The following SH3PXD2B variants were observed in gnomAD, a reference collection of about 807,000 sequenced individuals.
The protein encoded by SH3PXD2B is SH3 and PX domain-containing protein 2B.
Under a neutral mutation model 73.1 loss-of-function variants are expected in SH3PXD2B, and 37 were observed. The ratio of observed to expected loss-of-function variants is 0.51; its 90% CI spans 0.39 to 0.67. The LOEUF is 0.67. Ranked by LOEUF, SH3PXD2B falls within the 30% of genes least tolerant of loss-of-function variation. The pLI is 0.00. For missense variants in SH3PXD2B, 1,053 were observed against 1,197.8 expected (o/e 0.88, Z 1.78); for synonymous variants, 457 against 480.5 (o/e 0.95, Z 0.64).
At position 172,338,249 on chromosome 5, in the gene SH3PXD2B, A is replaced by C; in HGVS notation, c.*120T>G. On this transcript the variant is annotated 3_prime_UTR_variant, in exon 13 of 13. Transcript: ENST00000311601. This position sits in a 1 kb window ranked among gnomAD's most constrained non-coding sequence, Gnocchi z 5.1. ...CCACCCATGGGAGGCAAGAAGTCAC[A>C]GTACCCCAGAGTCTGTCTGCCTTGG... is the stretch of plus-strand genomic sequence containing the variant. The C allele has an allele frequency of 6.3e-7, 1 of 1,579,538 alleles. No homozygotes were observed. Among genetic ancestry groups the C allele is most frequent in the Non-Finnish European group, 8.6e-7 (1 of 1,164,360 alleles).
At chr5:172,430,351 AC>A (rs150898755) in intron 1 of SH3PXD2B, among the ~76,000 whole-genome samples, 181 of 152,308 alleles carry the variant, frequency 1.2e-3, no homozygotes, top group African/African-American at 4.0e-3. Context: ...TCTGGGTCCC[AC>A]AGGGGTGCAG....
chr5:172,355,197 C>A (rs75311261), intron 8 of SH3PXD2B, among the ~76,000 whole-genome samples: 1 of 152,248 alleles, frequency 6.6e-6, no homozygotes, highest in East Asian at 1.9e-4. Flanking sequence ...TACCACATGC[C>A]GTCCGCGGCC....
intron 4 of SH3PXD2B, among the ~76,000 whole-genome samples, chr5:172,385,285 GA>G (rs1210449030): frequency 3.0e-4 from 46 of 152,256 alleles, no homozygotes; most frequent in Non-Finnish European, 6.5e-4. Flanking sequence ...TTCCCCCCAA[GA>G]CTACAATAAC....
At chr5:172,389,290 G>A (rs1282646728) in intron 4 of SH3PXD2B, among the ~76,000 whole-genome samples, 1 of 151,774 alleles carries the variant, frequency 6.6e-6, no homozygotes, top group Non-Finnish European at 1.5e-5. Context: ...TCCTGACCTC[G>A]TGATCTGCCT....
At chr5:172,368,546 T>TATATATATTATATATATATATAAC in intron 6 of SH3PXD2B, among the ~76,000 whole-genome samples, 1 of 23,912 alleles carries the variant, frequency 4.2e-5, no homozygotes, top group African/African-American at 3.1e-4. Context: ...ATATAAAATA[T>TATATATATTATATATATATATAAC]ATATATATTA....
At chr5:172,359,387 C>CAAAAAAAAAAAAAAAAAAAAAAAAA (rs70982393) in intron 7 of SH3PXD2B, among the ~76,000 whole-genome samples, 1 of 84,088 alleles carries the variant, frequency 1.2e-5, no homozygotes, top group African/African-American at 4.8e-5. Flanking sequence ...ACCCCCATCT[C>CAAAAAAAAAAAAAAAAAAAAAAAAA]AAAAAAAAAA....
At chr5:172,355,823 T>C (rs1277804592) in intron 8 of SH3PXD2B, among the ~76,000 whole-genome samples, 1 of 152,048 alleles carries the variant, frequency 6.6e-6, no homozygotes, top group East Asian at 1.9e-4. Context: ...GGACTATAGG[T>C]GTGAGCCAGC....
At chr5:172,343,219 A>T (rs1332566955) in intron 12 of SH3PXD2B, among the ~76,000 whole-genome samples, 1 of 152,220 alleles carries the variant, frequency 6.6e-6, no homozygotes, top group Admixed American at 6.5e-5. Context: ...TGTGAGGATG[A>T]CTGGCATCTT....
At chr5:172,362,953 G>A (rs1757432612) in intron 6 of SH3PXD2B, 84 bp from the exon 7 acceptor site, 4 of 1,571,042 alleles carry the variant, frequency 2.5e-6, no homozygotes, top group Non-Finnish European at 3.5e-6. Flanking sequence ...GGGTCAAGAG[G>A]ACGTTCCAAA....
chr5:172,340,475 A>G (rs1191363300), intron 12 of SH3PXD2B, among the ~76,000 whole-genome samples: 2 of 152,222 alleles, frequency 1.3e-5, no homozygotes, highest in Non-Finnish European at 2.9e-5. Context: ...AGGCACCGGC[A>G]GCGTCTGCTA....
Position 172,337,987 on chromosome 5 carries a change from G to A in SH3PXD2B, c.*382C>T, listed in dbSNP as rs1756743671. 3 of 1,161,530 alleles carry A rather than the reference G, an allele frequency of 2.6e-6. No homozygotes were observed. In the African/African-American group the frequency reaches 4.8e-5, roughly 18 times the overall value. 72.0% of individuals were successfully genotyped at this position (1,161,530 alleles called of 1,614,324 possible). The stretch of plus-strand genomic sequence containing the variant: ...GGTTGGCTGCCCCTTACTGTGCCAT[G>A]TCCAAGCCATGAGAGACCCTTGCTG... On this transcript the variant is annotated 3_prime_UTR_variant, in exon 13 of 13. Transcript: ENST00000311601.
Position 172,441,232 on chromosome 5 carries a change from C to T in SH3PXD2B, c.75+13046G>A, listed in dbSNP as rs1036752469. On this transcript the variant is annotated intron_variant, in intron 1 of 12. Coordinates refer to ENST00000311601, the MANE Select transcript of SH3PXD2B (RefSeq NM_001017995.3). ...CCCTCATTTAGAGACGAAGAAGATA[C>T]CGAGGTTCTGAGAGGTTAAGTAACG... Among the ~76,000 whole-genome samples the T allele has an allele frequency of 2.0e-5, 3 of 152,254 alleles. No individual in the cohort carries two copies. In the East Asian group the frequency reaches 5.8e-4, roughly 29 times the overall value.
chr5:172,396,062 T>C (rs1330398011), intron 3 of SH3PXD2B, among the ~76,000 whole-genome samples: 1 of 151,784 alleles, frequency 6.6e-6, no homozygotes, highest in African/African-American at 2.4e-5. Flanking sequence ...CATAGAAAAG[T>C]CTAGTAAGGA....
At chr5:172,400,637 C>G (rs1758403737) in intron 3 of SH3PXD2B, among the ~76,000 whole-genome samples, 1 of 152,218 alleles carries the variant, frequency 6.6e-6, no homozygotes, top group Non-Finnish European at 1.5e-5. Context: ...CTCAGTATCA[C>G]CATAGATCCA....
chr5:172,422,176 G>A (rs1758980118), intron 2 of SH3PXD2B, among the ~76,000 whole-genome samples: 1 of 152,096 alleles, frequency 6.6e-6, no homozygotes, highest in Admixed American at 6.6e-5. Flanking sequence ...TGTATTTTTC[G>A]TAGAGACGGG....
At chr5:172,340,653 G>GGCAT (rs1195938773) in intron 12 of SH3PXD2B, among the ~76,000 whole-genome samples, 11 of 152,168 alleles carry the variant, frequency 7.2e-5, no homozygotes, top group Non-Finnish European at 1.6e-4. Flanking sequence ...GAAGTGCAGT[G>GGCAT]GCATGATCTC....
At chr5:172,425,881 G>C (rs1352248418) in intron 1 of SH3PXD2B, among the ~76,000 whole-genome samples, 1 of 152,122 alleles carries the variant, frequency 6.6e-6, no homozygotes, top group South Asian at 2.1e-4. Context: ...GCAGCTCATT[G>C]AAGGGCTGCA....
rs543260764 is a variant in SH3PXD2B, at chr5:172,334,109, A to G, written c.*4260T>C. 8.9e-7 allele frequency: 1 copy of G among 1,121,090 alleles called. No individual in the cohort carries two copies. The highest frequency in any genetic ancestry group is 1.1e-6 in the Non-Finnish European group (1 of 912,796). The allele number at this position is 1,121,090 out of a possible 1,614,324, so 69.4% of individuals were successfully genotyped here. On this transcript the variant is annotated 3_prime_UTR_variant, in exon 13 of 13. Coordinates refer to ENST00000311601, the MANE Select transcript of SH3PXD2B (RefSeq NM_001017995.3). ...CCCTCATCCCTGATTGGAGCTAAGAAGGCTTACTTTGGAGTCGAGGATAGA... is the reference window on the plus strand; with the variant it reads ...CCCTCATCCCTGATTGGAGCTAAGAGGGCTTACTTTGGAGTCGAGGATAGA...
rs1471751112 is a variant in SH3PXD2B, at chr5:172,334,324, T to C, written c.*4045A>G. 2 of 995,680 alleles carry C rather than the reference T, an allele frequency of 2.0e-6. No individual in the cohort carries two copies. The highest frequency in any genetic ancestry group is 3.5e-5 in the African/African-American group (2 of 57,390). The allele number at this position is 995,680 out of a possible 1,614,324, so 61.7% of individuals were successfully genotyped here. A position where few individuals can be genotyped will look rare whatever the true frequency, so the allele number is the denominator to read the frequency against. ...TCTGCAGCTCTGCCTGGGACCCTCG[T>C]GGAAACTTACTCTAGTTAGGAGCAA... On this transcript the variant is annotated 3_prime_UTR_variant, in exon 13 of 13. Coordinates refer to ENST00000311601, the MANE Select transcript of SH3PXD2B (RefSeq NM_001017995.3).
Sources: allele counts gnomAD v4.1 joint callset (sites outside exome capture counted in the v4.1 genomes callset), GRCh38; gene constraint gnomAD v4.1.1; non-coding constraint Gnocchi (gnomAD v3.1); transcripts MANE v1.5; gene names NCBI Gene and HGNC (gene_info 2026-07-23, HGNC 2026-07-21).